ZDHHC21: variants seen among roughly 807,000 people sequenced by gnomAD.
ZDHHC21 encodes palmitoyltransferase ZDHHC21.
In ZDHHC21, 15 loss-of-function variants were observed where a neutral mutation model predicts 34.6. That is an observed-to-expected ratio of 0.43 (90% CI 0.29 to 0.67). The LOEUF is 0.67. Ranked by LOEUF, ZDHHC21 falls within the 30% of genes least tolerant of loss-of-function variation. ZDHHC21 has a pLI of 0.14. For missense variants in ZDHHC21, 344 were observed against 327.7 expected, an observed-to-expected ratio of 1.05 and a Z score of -0.38; for synonymous variants, 142 against 101.8, an observed-to-expected ratio of 1.40 and a Z score of -2.38.
intron 8 of ZDHHC21, among the ~76,000 whole-genome samples, chr9:14,624,909 A>G (rs1402559579): frequency 3.3e-5 from 5 of 152,228 alleles, no homozygotes; most frequent in East Asian, 3.9e-4. Context: ...ATTGTACCCC[A>G]TAACTATGTA....
chr9:14,637,075 A>G (rs1384493174), intron 8 of ZDHHC21, among the ~76,000 whole-genome samples: 2 of 152,068 alleles, frequency 1.3e-5, no homozygotes, highest in African/African-American at 2.4e-5. Context: ...TAAAAGCAAA[A>G]GAGACTAAAA....
chr9:14,607,947 G>A (rs1042985354), downstream of ZDHHC21, among the ~76,000 whole-genome samples: 3 of 152,114 alleles, frequency 2.0e-5, no homozygotes, highest in East Asian at 3.9e-4. Context: ...GCACAGTATC[G>A]TGCACTGACT....
chr9:14,631,264 G>A (rs976321204), intron 8 of ZDHHC21, among the ~76,000 whole-genome samples: 4 of 152,124 alleles, frequency 2.6e-5, no homozygotes, highest in African/African-American at 4.8e-5. Flanking sequence ...TTTATGTTAT[G>A]GAAATGCCTT....
chr9:14,655,357 A>G (rs1487746138), intron 7 of ZDHHC21, among the ~76,000 whole-genome samples: 1 of 152,006 alleles, frequency 6.6e-6, no homozygotes, highest in Non-Finnish European at 1.5e-5. Flanking sequence ...AGCAGAAAAA[A>G]TAAGCCTAGA....
chr9:14,659,174 T>A (rs764911106), intron 6 of ZDHHC21, among the ~76,000 whole-genome samples: 2 of 152,070 alleles, frequency 1.3e-5, no homozygotes. Context: ...GTCACTGATA[T>A]GGAAACAGGG....
intron 1 of ZDHHC21, among the ~76,000 whole-genome samples, chr9:14,692,225 T>C (rs1210791510): frequency 1.3e-5 from 2 of 152,206 alleles, no homozygotes; most frequent in Admixed American, 6.5e-5. Context: ...CAAAAGCCTT[T>C]TAATCCAGGA....
At chr9:14,638,752 C>A (rs1477744577) in intron 8 of ZDHHC21, among the ~76,000 whole-genome samples, 5 of 151,792 alleles carry the variant, frequency 3.3e-5, no homozygotes, top group Non-Finnish European at 7.4e-5. Context: ...AAATAGCCAA[C>A]AGGTATATGA....
rs535860775 is a variant in ZDHHC21, at chr9:14,615,367, C to T, written c.*3599G>A. On this transcript the variant is annotated 3_prime_UTR_variant, in exon 10 of 10. Transcript: ENST00000380916. ...TTGGCAAAAACGCACTGATGTTAAT[C>T]CTGGCAGATGTTTTAACTCAGCTGT... The T allele has an allele frequency of 2.0e-5, 3 of 151,688 alleles. No individual in the cohort carries two copies. Among genetic ancestry groups the T allele is most frequent in the African/African-American group, 7.2e-5 (3 of 41,502 alleles). 9.4% of individuals were successfully genotyped at this position (151,688 alleles called of 1,614,324 possible).
intron 7 of ZDHHC21, among the ~76,000 whole-genome samples, chr9:14,643,197 G>A (rs534847453): frequency 3.9e-5 from 6 of 152,282 alleles, no homozygotes; most frequent in Middle Eastern, 3.4e-3. Context: ...GCAGTGAGCC[G>A]AGATCGTGCC....
At chr9:14,673,478 A>G (rs948133538) in intron 4 of ZDHHC21, among the ~76,000 whole-genome samples, 3 of 151,904 alleles carry the variant, frequency 2.0e-5, no homozygotes, top group African/African-American at 4.8e-5. Flanking sequence ...TTTGGCCACC[A>G]TAATTCTACA....
chr9:14,631,230 C>A (rs1239011275), intron 8 of ZDHHC21, among the ~76,000 whole-genome samples: 1 of 152,218 alleles, frequency 6.6e-6, no homozygotes, highest in Non-Finnish European at 1.5e-5. Flanking sequence ...TCTACATCAG[C>A]ACTTGCTGCT....
At chr9:14,658,642 T>C in intron 7 of ZDHHC21, 107 bp downstream of exon 7, 1 of 889,272 alleles carries the variant, frequency 1.1e-6, no homozygotes. Context: ...CGGCTAATTT[T>C]TTGTATTTTT....
chr9:14,639,451 G>A (rs1350528825), intron 8 of ZDHHC21, among the ~76,000 whole-genome samples: 1 of 152,004 alleles, frequency 6.6e-6, no homozygotes, highest in African/African-American at 2.4e-5. Context: ...GCACAGTAGG[G>A]TGACTACAGT....
At chr9:14,674,623 A>G (rs1418661359) in intron 3 of ZDHHC21, among the ~76,000 whole-genome samples, 1 of 152,072 alleles carries the variant, frequency 6.6e-6, no homozygotes, top group Admixed American at 6.6e-5. Context: ...AATAATTTCA[A>G]TGTTTCACTA....
chr9:14,600,153 C>T, the ZDHHC21 span, among the ~76,000 whole-genome samples: 5 of 152,242 alleles, frequency 3.3e-5, no homozygotes, highest in African/African-American at 1.2e-4. Context: ...AAGTTCTAGC[C>T]AGGGCAATCA....
At chr9:14,595,289 A>T in the ZDHHC21 span, among the ~76,000 whole-genome samples, 1 of 152,202 alleles carries the variant, frequency 6.6e-6, no homozygotes, top group Non-Finnish European at 1.5e-5. Flanking sequence ...TGGATAAGCA[A>T]AATGTGGCAT....
Position 14,658,732 on chromosome 9 carries a change from A to G in ZDHHC21, c.504+17T>C. 6.2e-7 allele frequency: 1 copy of G among 1,611,896 alleles called. No homozygotes were observed. The highest frequency in any genetic ancestry group is 8.5e-7 in the Non-Finnish European group (1 of 1,178,828). On this transcript the variant is annotated intron_variant, in intron 7 of 9. Transcript: ENST00000380916. ...GTGATCCGCCCGCCTCGGCCTCCCA[A>G]TATAAACATTTCTTACCAAATTACG...
chr9:14,657,266 C>CT (rs1832418280), intron 7 of ZDHHC21, among the ~76,000 whole-genome samples: 1 of 152,066 alleles, frequency 6.6e-6, no homozygotes, highest in South Asian at 2.1e-4. Context: ...TTTCCTCCCT[C>CT]TGAGAGTTTT....
intron 4 of ZDHHC21, among the ~76,000 whole-genome samples, 183 bp from the exon 5 acceptor site, chr9:14,673,111 A>T (rs1587377851): frequency 6.6e-6 from 1 of 152,198 alleles, no homozygotes; most frequent in Non-Finnish European, 1.5e-5. Context: ...ACTATCTTAA[A>T]TAGTCCTAAT....
Sources: allele counts gnomAD v4.1 joint callset (sites outside exome capture counted in the v4.1 genomes callset), GRCh38; gene constraint gnomAD v4.1.1; transcripts MANE v1.5; gene names NCBI Gene and HGNC (gene_info 2026-07-23, HGNC 2026-07-21).